COL8A2: variants seen among roughly 807,000 people sequenced by gnomAD.
COL8A2 encodes the protein collagen type VIII alpha 2 chain.
Under a neutral mutation model 24.0 loss-of-function variants are expected in COL8A2, and 16 were observed. That is an observed-to-expected ratio of 0.67 (90% CI 0.45 to 1.01). The LOEUF is 1.01. COL8A2 is among the 50% of genes least tolerant of loss of function. The pLI is 0.00. For missense variants in COL8A2, 818 were observed against 942.4 expected, an observed-to-expected ratio of 0.87 and a Z score of 1.73; for synonymous variants, 466 against 424.5, an observed-to-expected ratio of 1.10 and a Z score of -1.20.
Position 36,095,907 on chromosome 1 carries a change from TATC to T in COL8A2, c.*1659_*1661del, listed in dbSNP as rs910949863. The T allele has an allele frequency of 6.6e-6, 1 of 152,214 alleles. No individual in the cohort carries two copies. Among genetic ancestry groups the T allele is most frequent in the African/African-American group, 2.4e-5 (1 of 41,442 alleles). 9.4% of individuals were successfully genotyped at this position (152,214 alleles called of 1,614,324 possible). On this transcript the variant is annotated 3_prime_UTR_variant, in exon 4 of 4. Coordinates refer to ENST00000397799, the MANE Select transcript of COL8A2 (RefSeq NM_005202.4). ...AAGTGTCACTTGGGCAGATTTGGGT[TATC>T]ATTCCTCCTTTTGAAGAAGTGAGCA...
chr1:36,112,683 A>T (rs1643859728), intron 2 of COL8A2, among the ~76,000 whole-genome samples: 1 of 152,144 alleles, frequency 6.6e-6, no homozygotes, highest in Admixed American at 6.5e-5. Flanking sequence ...TCTCTCACCC[A>T]GTCCCCCAGC....
rs1320181680 is a variant in COL8A2 at position 36,123,188 on chromosome 1, C to T, written c.-62+1869G>A. 6.6e-6 allele frequency among the ~76,000 whole-genome samples: 1 copy of T among 152,226 alleles called. No homozygotes were observed. The highest frequency in any genetic ancestry group is 2.4e-5 in the African/African-American group (1 of 41,456). The stretch of plus-strand genomic sequence containing the variant: ...TGTCTCTCTCGTTCCTCCGACCCGA[C>T]ACTATAATTTCCTCCTGCCACGGAT... On this transcript the variant is annotated intron_variant, in intron 1 of 3. Coordinates refer to ENST00000397799, the MANE Select transcript of COL8A2 (RefSeq NM_005202.4). The surrounding 1 kb of genome is among the most constrained non-coding windows in gnomAD (Gnocchi z 4.1).
At position 36,100,547 on chromosome 1, in the gene COL8A2, A is replaced by T. The variant is rs551960705; in HGVS notation, c.-16-289T>A. On this transcript the variant is annotated intron_variant, in intron 2 of 3. Transcript: ENST00000397799. ...GCAGCCTCCTCAAAACCAGCCAGTC[A>T]CTCTCTGCAGCCGGGCGTGCCTTTT... Among the ~76,000 whole-genome samples, 11 of 151,756 alleles carry T rather than the reference A, an allele frequency of 7.2e-5. No individual in the cohort carries two copies. The East Asian group carries it at 1.9e-3, about 27-fold the overall frequency.
chr1:36,100,389 A>T, intron 2 of COL8A2, 131 bp from the exon 3 acceptor site: 2 of 887,326 alleles, frequency 2.3e-6, no homozygotes, highest in Non-Finnish European at 3.5e-6. Context: ...AGCAATTCCG[A>T]ATTTAGATAT....
In COL8A2 at chr1:36,099,123, G is replaced by A. The variant is rs762061887; in HGVS notation, c.558C>T (p.Phe186=). ...GAQGVPGPPG[F]QGEPGPQGEP... ...CCCCCTGGGGCCCTGGTTCCCCCTGGAATCCTGGGGGCCCTGGCACCCCTT... is the reference window on the plus strand; with the variant it reads ...CCCCCTGGGGCCCTGGTTCCCCCTGAAATCCTGGGGGCCCTGGCACCCCTT... Residue 186 remains phenylalanine, a synonymous_variant, in exon 4 of 4, where the codon TTC becomes TTT. Coordinates refer to ENST00000397799, the MANE Select transcript of COL8A2 (RefSeq NM_005202.4). 3 of 1,507,292 alleles carry A rather than the reference G, an allele frequency of 2.0e-6. No individual in the cohort carries two copies. Among genetic ancestry groups the A allele is most frequent in the African/African-American group, 2.8e-5 (2 of 71,040 alleles). The allele number at this position is 1,507,292 out of a possible 1,614,324, so 93.4% of individuals were successfully genotyped here.
intron 2 of COL8A2, among the ~76,000 whole-genome samples, chr1:36,111,553 A>AT (rs373086019): frequency 0.088 from 12,954 of 146,878 alleles, 1,487 homozygotes; most frequent in East Asian, 0.5. Flanking sequence ...CCCCTGAGCC[A>AT]TTTTTTTTTT....
rs970792691 is a variant in COL8A2, at chr1:36,115,010, G to A, written c.-17+698C>T. Among the ~76,000 whole-genome samples the A allele has an allele frequency of 6.6e-6, 1 of 152,182 alleles. No individual in the cohort carries two copies. The highest frequency in any genetic ancestry group is 1.5e-5 in the Non-Finnish European group (1 of 68,008). On this transcript the variant is annotated intron_variant, in intron 2 of 3. Transcript: ENST00000397799. The surrounding 1 kb of genome is among the most constrained non-coding windows in gnomAD (Gnocchi z 5.7). ...TGCCCAGGAAGGTAAGAACAGCCGG[G>A]CAGGGGCAGATGGACTAGAAAAGGC...
intron 1 of COL8A2, among the ~76,000 whole-genome samples, chr1:36,122,684 C>T (rs371862489): frequency 1.3e-5 from 2 of 152,168 alleles, no homozygotes; most frequent in South Asian, 2.1e-4. Flanking sequence ...CTTCATCCCC[C>T]GTCACCTTTC....
At chr1:36,122,058 G>T (rs972566573) in intron 1 of COL8A2, among the ~76,000 whole-genome samples, 3 of 152,176 alleles carry the variant, frequency 2.0e-5, no homozygotes, top group African/African-American at 7.2e-5. Context: ...AACTTTCCAA[G>T]AATCTGAATA....
At chr1:36,099,918 C>T (rs561030069) in intron 3 of COL8A2, 132 bp downstream of exon 3, 1 of 870,412 alleles carries the variant, frequency 1.1e-6, no homozygotes, top group South Asian at 1.5e-5. Flanking sequence ...TTAGGAAAAA[C>T]ACTGAAGGTA....
rs545918643 is a variant in COL8A2 at position 36,101,279 on chromosome 1, A to G, written c.-16-1021T>C. The stretch of plus-strand genomic sequence containing the variant: ...CCCTTTCTCTGCCCCTCACCTCCCC[A>G]CACCTCCACCCAGTAAACCAGAACT... On this transcript the variant is annotated intron_variant, in intron 2 of 3. Coordinates refer to ENST00000397799, the MANE Select transcript of COL8A2 (RefSeq NM_005202.4). 2.2e-4 allele frequency among the ~76,000 whole-genome samples: 33 copies of G among 151,440 alleles called. 1 individual carries two copies. The highest frequency in any genetic ancestry group is 7.5e-4 in the African/African-American group (31 of 41,234).
intron 1 of COL8A2, among the ~76,000 whole-genome samples, chr1:36,121,605 GGCTGAGGTAGGAGA>G (rs1643914954): frequency 6.7e-6 from 1 of 150,194 alleles, no homozygotes; most frequent in Admixed American, 6.6e-5. Context: ...GTACTTGGGA[GGCTGAGGTAGGAGA>G]ATCTTTCAAC....
Position 36,099,284 on chromosome 1 carries a change from T to C in COL8A2, c.397A>G (p.Lys133Glu). The stretch of plus-strand genomic sequence containing the variant: ...CCCGGCTGCCCTGGTGGCCCGACCT[T>C]GCCAGGGAGCCCTGGGGGACCAGCC... ...GKAGPPGLPGKVGPPGQPGLR... is the reference protein window; with the variant it reads ...GKAGPPGLPGEVGPPGQPGLR... The change falls in exon 4 of 4, where the codon AAG (lysine) becomes GAG (glutamate). Residue 133 changes from lysine to glutamate, a missense_variant. By Grantham distance (56) the Lys-to-Glu change is moderately conservative (BLOSUM62 1). Transcript: ENST00000397799. 6.4e-7 allele frequency: 1 copy of C among 1,559,498 alleles called. No homozygotes were observed.
intron 2 of COL8A2, among the ~76,000 whole-genome samples, chr1:36,107,199 G>C (rs1040555643): frequency 1.3e-5 from 2 of 152,164 alleles, no homozygotes; most frequent in African/African-American, 4.8e-5. Context: ...GAGCTCAGGA[G>C]TTCAAGACCA....
At chr1:36,112,149 G>A (rs1356966518) in intron 2 of COL8A2, among the ~76,000 whole-genome samples, 3 of 152,068 alleles carry the variant, frequency 2.0e-5, no homozygotes, top group African/African-American at 7.2e-5. Context: ...GACTACAGGC[G>A]CCTGCCACCA....
intron 1 of COL8A2, among the ~76,000 whole-genome samples, chr1:36,124,737 T>A (rs1301841230): frequency 6.6e-6 from 1 of 151,772 alleles, no homozygotes; most frequent in East Asian, 1.9e-4. Context: ...GGACGGGAGA[T>A]CGGGAGGTGG....
At position 36,115,746 on chromosome 1, in the gene COL8A2, G is replaced by A. The variant is rs1643875976; in HGVS notation, c.-55C>T. 4.1e-6 allele frequency: 4 copies of A among 985,324 alleles called. No individual in the cohort carries two copies. Among genetic ancestry groups the A allele is most frequent in the African/African-American group, 1.7e-5 (1 of 57,186 alleles). 61.0% of individuals were successfully genotyped at this position (985,324 alleles called of 1,614,324 possible). A position where few individuals can be genotyped will look rare whatever the true frequency, so the allele number is the denominator to read the frequency against. On this transcript the variant is annotated 5_prime_UTR_variant, in exon 2 of 4. Coordinates refer to ENST00000397799, the MANE Select transcript of COL8A2 (RefSeq NM_005202.4). The surrounding 1 kb of genome is among the most constrained non-coding windows in gnomAD (Gnocchi z 5.7). ...GGGGCCTGGGAAGGTTCCAGCAGAG[G>A]CAGGGCCTGAGGATGAACAAGAGAA...
chr1:36,099,261 C>T lies in COL8A2; in HGVS notation c.420G>A (p.Pro140=), dbSNP rs771098349. 27 of 1,549,928 alleles carry T rather than the reference C, an allele frequency of 1.7e-5. No homozygotes were observed. Among genetic ancestry groups the T allele is most frequent in the East Asian group, 1.2e-4 (5 of 41,238 alleles). The change falls in exon 4 of 4, where the codon CCG becomes CCA. Residue 140 remains proline (P), a synonymous_variant. Transcript: ENST00000397799. Reference sequence around the variant, plus strand: ...GTATTCCTGGCTCCCCCCGAAGCCCCGGCTGCCCTGGTGGCCCGACCTTGC... The same window carrying T: ...GTATTCCTGGCTCCCCCCGAAGCCCTGGCTGCCCTGGTGGCCCGACCTTGC... The part of the protein sequence containing the change: ...LPGKVGPPGQ[P]GLRGEPGIRG...
intron 2 of COL8A2, among the ~76,000 whole-genome samples, chr1:36,104,262 C>T (rs554743783): frequency 4.6e-5 from 7 of 152,062 alleles, no homozygotes; most frequent in Non-Finnish European, 8.8e-5. Flanking sequence ...GAGGCCGAGG[C>T]GAGTGGATCA....
Sources: gnomAD v4.1 joint callset for allele counts (sites outside exome capture counted in the v4.1 genomes callset) on GRCh38, gnomAD v4.1.1 for gene constraint, Gnocchi (gnomAD v3.1) non-coding constraint, MANE v1.5 for transcripts, NCBI Gene and HGNC (gene_info 2026-07-23, HGNC 2026-07-21) for gene names.